Variants in SPRY4 observed in about 807,000 individuals in gnomAD.
SPRY4 encodes the protein protein sprouty homolog 4.
In SPRY4, 7 loss-of-function variants were observed where a neutral mutation model predicts 17.0. The ratio of observed to expected loss-of-function variants is 0.41; its 90% confidence interval spans 0.23 to 0.77. The LOEUF is 0.77. SPRY4 is among the 30% of genes least tolerant of loss of function. The pLI is 0.32. For synonymous variants in SPRY4, 183 were observed against 174.1 expected, an observed-to-expected ratio of 1.05 and a Z score of -0.40; for missense variants, 435 against 419.9, an observed-to-expected ratio of 1.04 and a Z score of -0.31.
At chr5:142,315,250 C>T (rs528145464) in intron 1 of SPRY4, 95 bp from the exon 2 acceptor site, 26 of 765,872 alleles carry the variant, frequency 3.4e-5, no homozygotes, top group South Asian at 7.4e-5. Context: ...CCTTGGGAGC[C>T]GCCCAATTGA....
intron 1 of SPRY4, among the ~76,000 whole-genome samples, chr5:142,322,483 A>AAAAATATATATGT (rs79291595): frequency 8.5e-6 from 1 of 117,528 alleles, no homozygotes; most frequent in Non-Finnish European, 1.9e-5. Flanking sequence ...AAAAAAAAAA[A>AAAAATATATATGT]ATATATATAT....
chr5:142,317,918 G>C (rs986869479), intron 1 of SPRY4: 7 of 985,338 alleles, frequency 7.1e-6, no homozygotes, highest in Non-Finnish European at 6.0e-6. Context: ...GGCTCTCTGG[G>C]GACGATGCAG....
At chr5:142,322,159 G>C (rs1759363219) in intron 1 of SPRY4, among the ~76,000 whole-genome samples, 1 of 152,184 alleles carries the variant, frequency 6.6e-6, no homozygotes, top group Non-Finnish European at 1.5e-5. Flanking sequence ...ACATCTCTCC[G>C]CCAATTCTGG....
At position 142,315,524 on chromosome 5, in the gene SPRY4, C is replaced by T. The variant is rs550510158; in HGVS notation, c.-47-369G>A. 7.2e-5 allele frequency: 14 copies of T among 194,178 alleles called. No individual in the cohort carries two copies. In the East Asian group the frequency reaches 1.5e-3, roughly 21 times the overall value. The allele number at this position is 194,178 out of a possible 1,614,324, so 12.0% of individuals were successfully genotyped here. A position where few individuals can be genotyped will look rare whatever the true frequency, so the allele number is the denominator to read the frequency against. On this transcript the variant is annotated intron_variant, in intron 1 of 1. Coordinates refer to ENST00000434127, the MANE Select transcript of SPRY4 (RefSeq NM_001127496.3). The stretch of plus-strand genomic sequence containing the variant: ...CAAAACTATCCAAAACTATCAGTAG[C>T]AGGACTCAAACCTGGGCAGCCTGAG...
chr5:142,322,262 G>GGAGTTCGA (rs755403069), intron 1 of SPRY4, among the ~76,000 whole-genome samples: 4 of 152,094 alleles, frequency 2.6e-5, no homozygotes, highest in Non-Finnish European at 5.9e-5. Context: ...CATGAGCTTA[G>GGAGTTCGA]GAGTTCGAGA....
Position 142,311,404 on chromosome 5 carries a change from G to C in SPRY4, c.*2805C>G, listed in dbSNP as rs114603026. On this transcript the variant is annotated 3_prime_UTR_variant, in exon 2 of 2. Transcript: ENST00000434127. ...AGCACTTTTCAAAAAAGGTCAAGCC[G>C]AGGCATCGTCCAGCCAAACAGGCCA... The C allele has an allele frequency of 6.6e-6, 1 of 152,240 alleles. No individual in the cohort carries two copies. The highest frequency in any genetic ancestry group is 1.5e-5 in the Non-Finnish European group (1 of 68,136). The allele number at this position is 152,240 out of a possible 1,614,324, so 9.4% of individuals were successfully genotyped here.
intron 1 of SPRY4, among the ~76,000 whole-genome samples, chr5:142,323,293 C>T (rs1393432270): frequency 6.6e-6 from 1 of 152,184 alleles, no homozygotes; most frequent in Non-Finnish European, 1.5e-5. Context: ...CAGACGAGTG[C>T]TTGCTCCCGC....
rs747910146 is a variant in SPRY4, at chr5:142,314,509, C to G, written c.600G>C (p.Met200Ile). Residue 200 changes from methionine to isoleucine, a missense_variant, in exon 2 of 2, where the codon ATG becomes ATC. Coordinates refer to ENST00000434127, the MANE Select transcript of SPRY4 (RefSeq NM_001127496.3). This position sits in a 1 kb window ranked among gnomAD's most constrained non-coding sequence, Gnocchi z 4.8. ...GGTAGAAGATGCCCTGCACCAAACA[C>G]ATGCACGTGCCATAGTTGACCAGAG... ...AQTLVNYGTC[M>I]CLVQGIFYHC... The G allele has an allele frequency of 1.2e-6, 2 of 1,614,234 alleles. No individual in the cohort carries two copies. The highest frequency in any genetic ancestry group is 1.7e-6 in the Non-Finnish European group (2 of 1,180,042).
At chr5:142,315,739 GGA>G (rs1193331508) in intron 1 of SPRY4, 1 of 152,600 alleles carries the variant, frequency 6.6e-6, no homozygotes, top group African/African-American at 2.4e-5. Flanking sequence ...GCTCTTGCAA[GGA>G]TTAAATGAGA....
rs983723932 is a variant in SPRY4 at position 142,314,003 on chromosome 5, A to G, written c.*206T>C. The G allele has an allele frequency of 1.7e-6, 1 of 596,382 alleles. No homozygotes were observed. 36.9% of individuals were successfully genotyped at this position (596,382 alleles called of 1,614,324 possible). ...ACACAAAGTTTCAGGACCCTGAAAA[A>G]AAGCCCCAAAGTGCTTCTTCATCAC... On this transcript the variant is annotated 3_prime_UTR_variant, in exon 2 of 2. Transcript: ENST00000434127. This position sits in a 1 kb window ranked among gnomAD's most constrained non-coding sequence, Gnocchi z 4.8.
At position 142,311,791 on chromosome 5, in the gene SPRY4, ACAGGGG is replaced by A. The variant is rs1286677395; in HGVS notation, c.*2412_*2417del. Reference sequence around the variant, plus strand: ...AGCAAACCAAGAAGAACAAGCTAGAACAGGGGCAGGGGGAAAAAAGGAAAAAGCAAA... The same window carrying A: ...AGCAAACCAAGAAGAACAAGCTAGAACAGGGGGAAAAAAGGAAAAAGCAAA... On this transcript the variant is annotated 3_prime_UTR_variant, in exon 2 of 2. Transcript: ENST00000434127. 1 of 152,764 alleles carries A rather than the reference ACAGGGG, an allele frequency of 6.5e-6. No individual in the cohort carries two copies. The highest frequency in any genetic ancestry group is 1.5e-5 in the Non-Finnish European group (1 of 68,236). The allele number at this position is 152,764 out of a possible 1,614,324, so 9.5% of individuals were successfully genotyped here. A position where few individuals can be genotyped will look rare whatever the true frequency, so the allele number is the denominator to read the frequency against.
At position 142,317,751 on chromosome 5, in the gene SPRY4, G is replaced by T. The variant is rs571707761; in HGVS notation, c.-47-2596C>A. 8.1e-6 allele frequency: 8 copies of T among 985,184 alleles called. No individual in the cohort carries two copies. The African/African-American group carries it at 1.2e-4, about 15-fold the overall frequency. 61.0% of individuals were successfully genotyped at this position (985,184 alleles called of 1,614,324 possible). On this transcript the variant is annotated intron_variant, in intron 1 of 1. Coordinates refer to ENST00000434127, the MANE Select transcript of SPRY4 (RefSeq NM_001127496.3). ...CAGAAAGCAGATTCCCCAATTCATG[G>T]AAAAGTCCCACCAGGAAGCCAGGAT...
chr5:142,315,364 T>C, intron 1 of SPRY4: 2 of 541,940 alleles, frequency 3.7e-6, no homozygotes, highest in Non-Finnish European at 6.6e-6. Context: ...ACTGAGCACT[T>C]AAGATGGAGG....
chr5:142,319,514 C>A (rs1759271941), intron 1 of SPRY4, among the ~76,000 whole-genome samples: 1 of 152,204 alleles, frequency 6.6e-6, no homozygotes, highest in South Asian at 2.1e-4. Flanking sequence ...GGAAAGGAAT[C>A]TCTACTCCTC....
intron 1 of SPRY4, chr5:142,315,731 T>C (rs1455536835): frequency 2.0e-5 from 3 of 152,780 alleles, no homozygotes; most frequent in African/African-American, 7.2e-5. Context: ...TAAAATGGGC[T>C]CTTGCAAGGA....
At chr5:142,322,486 A>G (rs199648073) in intron 1 of SPRY4, among the ~76,000 whole-genome samples, 7 of 132,856 alleles carry the variant, frequency 5.3e-5, no homozygotes, top group South Asian at 4.5e-4. Flanking sequence ...AAAAAAAAAT[A>G]TATATATATA....
intron 1 of SPRY4, among the ~76,000 whole-genome samples, chr5:142,319,340 C>T (rs1359828120): frequency 6.6e-6 from 1 of 152,180 alleles, no homozygotes; most frequent in Non-Finnish European, 1.5e-5. Context: ...TGTAATCTCT[C>T]TCATTCAAGG....
At chr5:142,315,344 AAAT>A in intron 1 of SPRY4, 189 bp from the exon 2 acceptor site, 1 of 569,630 alleles carries the variant, frequency 1.8e-6, no homozygotes, top group East Asian at 2.8e-5. Context: ...TCAGTGGTGG[AAAT>A]AATACTACTG....
Position 142,314,588 on chromosome 5 carries a change from C to CG in SPRY4, c.520dup (p.Arg174ProfsTer40), listed in dbSNP as rs774139814. ...GCAGACCCAGCAGGAAGGCAACGTCCGGGGGGATGCACACTCCTTGCATTT... is the reference window on the plus strand; with the variant it reads ...GCAGACCCAGCAGGAAGGCAACGTCCGGGGGGGATGCACACTCCTTGCATTT... On this transcript the variant is annotated frameshift_variant, in exon 2 of 2. Coordinates refer to ENST00000434127, the MANE Select transcript of SPRY4 (RefSeq NM_001127496.3). LOFTEE classifies it high-confidence loss of function. This position sits in a 1 kb window ranked among gnomAD's most constrained non-coding sequence, Gnocchi z 4.8. 2 of 1,614,206 alleles carry CG rather than the reference C, an allele frequency of 1.2e-6. No homozygotes were observed. Among genetic ancestry groups the CG allele is most frequent in the African/African-American group, 1.3e-5 (1 of 75,050 alleles).
Sources: allele counts gnomAD v4.1 joint callset (sites outside exome capture counted in the v4.1 genomes callset), GRCh38; gene constraint gnomAD v4.1.1; non-coding constraint Gnocchi (gnomAD v3.1); transcripts MANE v1.5; gene names NCBI Gene and HGNC (gene_info 2026-07-23, HGNC 2026-07-21).